Variants in CUX2 observed in about 807,000 individuals in gnomAD.
The protein encoded by CUX2 is homeobox protein cut-like 2.
In CUX2, 40 loss-of-function variants were observed where a neutral mutation model predicts 144.8. The ratio of observed to expected loss-of-function variants is 0.28; its 90% CI spans 0.21 to 0.36. The LOEUF is 0.36. Ranked by LOEUF, CUX2 falls within the 10% of genes least tolerant of loss-of-function variation. CUX2 has a pLI of 1.00. For synonymous variants in CUX2, 827 were observed against 875.6 expected (o/e 0.94, Z 0.98); for missense variants, 1,615 against 1,994.0 (o/e 0.81, Z 3.62).
chr12:111,194,344 T>G (rs1880103847), intron 1 of CUX2, among the ~76,000 whole-genome samples: 1 of 152,198 alleles, frequency 6.6e-6, no homozygotes, highest in Admixed American at 6.5e-5. Flanking sequence ...CCTGCATAAT[T>G]AACAGGCTAG....
At position 111,052,007 on chromosome 12, in the gene CUX2, G is replaced by GA. The variant is rs1491533085; in HGVS notation, c.63+17768dup. Among the ~76,000 whole-genome samples, 6 of 151,952 alleles carry GA rather than the reference G, an allele frequency of 3.9e-5. No individual in the cohort carries two copies. In the South Asian group the frequency reaches 1.0e-3, roughly 26 times the overall value. Reference sequence around the variant, plus strand: ...GCATGCCTTTCATTCTTTTTTAATGGACACATTATAATTGTACATGCGCCC... The same window carrying GA: ...GCATGCCTTTCATTCTTTTTTAATGGAACACATTATAATTGTACATGCGCCC... On this transcript the variant is annotated intron_variant, in intron 1 of 21. Transcript: ENST00000261726.
At chr12:111,281,859 G>A (rs1002916424) in intron 4 of CUX2, among the ~76,000 whole-genome samples, 1 of 152,178 alleles carries the variant, frequency 6.6e-6, no homozygotes, top group African/African-American at 2.4e-5. Context: ...AAAGAGGGGA[G>A]AGAGAAGGAG....
intron 1 of CUX2, among the ~76,000 whole-genome samples, chr12:111,169,134 A>G (rs1375127854): frequency 2.6e-5 from 4 of 152,160 alleles, no homozygotes; most frequent in African/African-American, 9.7e-5. Flanking sequence ...AAATCTAATG[A>G]CTGATTGTAC....
intron 1 of CUX2, among the ~76,000 whole-genome samples, chr12:111,211,926 G>C (rs941147842): frequency 1.3e-5 from 2 of 151,400 alleles, no homozygotes; most frequent in African/African-American, 4.9e-5. Flanking sequence ...AATAATCCAA[G>C]ATAGAGAGCT....
intron 4 of CUX2, among the ~76,000 whole-genome samples, chr12:111,267,195 CAAAAAAAAAA>C (rs11290695): frequency 3.0e-5 from 2 of 66,350 alleles, no homozygotes; most frequent in African/African-American, 1.0e-4. Context: ...AAGACCCTGT[CAAAAAAAAAA>C]AAAAAAAAAA....
chr12:111,322,929 T>C lies in CUX2; in HGVS notation c.2926+349T>C, dbSNP rs186818706. Among the ~76,000 whole-genome samples the C allele has an allele frequency of 7.8e-4, 119 of 152,360 alleles. No individual in the cohort carries two copies. Among genetic ancestry groups the C allele is most frequent in the Non-Finnish European group, 1.2e-3 (82 of 68,036 alleles). ...TGGAATTGCTCATCGATCTCAGCTC[T>C]GTTTCCTGAAGACCTAGCGTGCAGC... On this transcript the variant is annotated intron_variant, in intron 18 of 21. Transcript: ENST00000261726. This position sits in a 1 kb window ranked among gnomAD's most constrained non-coding sequence, Gnocchi z 4.2.
At chr12:111,106,556 A>C (rs1401371830) in intron 1 of CUX2, among the ~76,000 whole-genome samples, 1 of 152,256 alleles carries the variant, frequency 6.6e-6, no homozygotes, top group African/African-American at 2.4e-5. Flanking sequence ...CCTCAGCCCC[A>C]AAGTATTGGA....
chr12:111,261,781 T>C (rs1413760234), intron 3 of CUX2, among the ~76,000 whole-genome samples: 1 of 152,156 alleles, frequency 6.6e-6, no homozygotes, highest in African/African-American at 2.4e-5. Context: ...CGGGTGCCTG[T>C]AATCTCAGCT....
Position 111,269,158 on chromosome 12 carries a change from G to T in CUX2, c.301+5319G>T, listed in dbSNP as rs77147025. ...ACAGTATACAGCAGGTGCTTACTAA[G>T]TGTTAACTATTCTCCTTATCATATA... is the stretch of plus-strand genomic sequence containing the variant. On this transcript the variant is annotated intron_variant, in intron 4 of 21. Transcript: ENST00000261726. Among the ~76,000 whole-genome samples the T allele has an allele frequency of 9.5e-3, 1,448 of 152,260 alleles. 22 individuals carry two copies. Among genetic ancestry groups the T allele is most frequent in the African/African-American group, 0.033 (1,382 of 41,518 alleles).
rs757331678 is a variant in CUX2 at position 111,298,554 on chromosome 12, G to A, written c.718G>A (p.Gly240Ser). The A allele has an allele frequency of 1.9e-6, 3 of 1,580,090 alleles. No homozygotes were observed. The highest frequency in any genetic ancestry group is 2.6e-6 in the Non-Finnish European group (3 of 1,162,344). The change falls in exon 9 of 22, where the codon GGC (glycine) becomes AGC (serine). Residue 240 changes from glycine (G) to serine (S), a missense_variant. Transcript: ENST00000261726. ...EEAASKADEV[G>S]LIMTNLEKAN... ...TTTGTGTCTCAGGGCAGATGAAGTC[G>A]GCCTGATCATGACCAACCTGGAGAA...
In CUX2 at chr12:111,255,664, A is replaced by T. The variant is rs1883779861; in HGVS notation, c.223-8097A>T. ...TGGCCATCACCCTCTGTGCCTCGAC[A>T]TCTTCATCTGTTAAATGGGATAGTC... On this transcript the variant is annotated intron_variant, in intron 3 of 21. Coordinates refer to ENST00000261726, the MANE Select transcript of CUX2 (RefSeq NM_015267.4). This position sits in a 1 kb window ranked among gnomAD's most constrained non-coding sequence, Gnocchi z 4.1. Among the ~76,000 whole-genome samples, 1 of 152,198 alleles carries T rather than the reference A, an allele frequency of 6.6e-6. No individual in the cohort carries two copies. The highest frequency in any genetic ancestry group is 2.4e-5 in the African/African-American group (1 of 41,446).
rs1886822898 is a variant in CUX2 at position 111,310,242 on chromosome 12, G to T, written c.1460G>T (p.Gly487Val). 1 of 1,509,904 alleles carries T rather than the reference G, an allele frequency of 6.6e-7. No individual in the cohort carries two copies. The highest frequency in any genetic ancestry group is 2.3e-5 in the East Asian group (1 of 43,450). 93.5% of individuals were successfully genotyped at this position (1,509,904 alleles called of 1,614,324 possible). A position where few individuals can be genotyped will look rare whatever the true frequency, so the allele number is the denominator to read the frequency against. ...SLSPFPSLAS[G>V]ERLMMPPAAF... ...TCCCCCTTCCCCAGCCTGGCATCAG[G>T]GGAGAGACTGATGATGCCCCCAGCC... Residue 487 changes from glycine to valine, a missense_variant, in exon 15 of 22, where the codon GGG becomes GTG. Gly to Val is a moderately radical substitution (Grantham distance 109, BLOSUM62 -3). Around this residue, in one of 12 missense-constraint regions of CUX2, gnomAD observed 154 missense variants for 148.4 expected, o/e 1.04. Transcript: ENST00000261726. This position sits in a 1 kb window ranked among gnomAD's most constrained non-coding sequence, Gnocchi z 7.9.
At chr12:111,278,731 T>G (rs1211474446) in intron 4 of CUX2, among the ~76,000 whole-genome samples, 3 of 152,162 alleles carry the variant, frequency 2.0e-5, no homozygotes, top group African/African-American at 4.8e-5. Context: ...TCCAAACATT[T>G]TAAAGATTTT....
intron 3 of CUX2, among the ~76,000 whole-genome samples, chr12:111,258,612 G>C (rs1002738437): frequency 5.3e-5 from 8 of 151,914 alleles, no homozygotes; most frequent in Non-Finnish European, 8.8e-5. Flanking sequence ...AAATCTACAC[G>C]GCTCCTGTCT....
At chr12:111,084,354 C>A (rs1045893027) in intron 1 of CUX2, among the ~76,000 whole-genome samples, 2 of 152,162 alleles carry the variant, frequency 1.3e-5, no homozygotes, top group Non-Finnish European at 2.9e-5. Context: ...GTCCCCTGTC[C>A]CCTGCTTTAG....
chr12:111,126,633 C>A (rs766725936), intron 1 of CUX2, among the ~76,000 whole-genome samples: 1 of 152,206 alleles, frequency 6.6e-6, no homozygotes, highest in African/African-American at 2.4e-5. Flanking sequence ...GGCCCACTCA[C>A]ATTAGGAAGG....
In CUX2 at chr12:111,035,955, CAGAGAG is replaced by C. The variant is rs150010371; in HGVS notation, c.63+1728_63+1733del. Among the ~76,000 whole-genome samples, 2 of 150,496 alleles carry C rather than the reference CAGAGAG, an allele frequency of 1.3e-5. No individual in the cohort carries two copies. The highest frequency in any genetic ancestry group is 4.9e-5 in the African/African-American group (2 of 40,958). ...TCTGGAAGAGTGGGGGTTATGGAGG[CAGAGAG>C]AGAGAGAGAGAGGGAGAATTGGGCA... On this transcript the variant is annotated intron_variant, in intron 1 of 21. Coordinates refer to ENST00000261726, the MANE Select transcript of CUX2 (RefSeq NM_015267.4). This position sits in a 1 kb window ranked among gnomAD's most constrained non-coding sequence, Gnocchi z 6.0.
chr12:111,293,420 G>A lies in CUX2; in HGVS notation c.437-26G>A. ...GCCACGTTGCTCTCTTGGCAATGGG[G>A]GTTTTCCCTCTTTTTCTCCCTGCAG... On this transcript the variant is annotated intron_variant, in intron 5 of 21. Transcript: ENST00000261726. The surrounding 1 kb of genome is among the most constrained non-coding windows in gnomAD (Gnocchi z 4.5). The A allele has an allele frequency of 6.3e-7, 1 of 1,594,070 alleles. No homozygotes were observed. Among genetic ancestry groups the A allele is most frequent in the Non-Finnish European group, 8.5e-7 (1 of 1,171,242 alleles).
chr12:111,226,827 A>T (rs1167279326), intron 3 of CUX2, among the ~76,000 whole-genome samples: 4 of 152,240 alleles, frequency 2.6e-5, no homozygotes, highest in Non-Finnish European at 5.9e-5. Flanking sequence ...ACATTCCCGC[A>T]CATTTAACAA....
Sources: allele counts gnomAD v4.1 joint callset (sites outside exome capture counted in the v4.1 genomes callset), GRCh38; gene constraint gnomAD v4.1.1; regional missense constraint gnomAD v4.1.1; non-coding constraint Gnocchi (gnomAD v3.1); transcripts MANE v1.5; gene names NCBI Gene and HGNC (gene_info 2026-07-23, HGNC 2026-07-21).